Variants in TRPM3 observed in about 807,000 individuals in gnomAD.
TRPM3 encodes the protein long transient receptor potential channel 3.
Under a neutral mutation model 181.2 loss-of-function variants are expected in TRPM3, and 77 were observed. That is an observed-to-expected ratio of 0.42 (90% CI 0.35 to 0.51). The LOEUF (loss-of-function observed/expected upper bound fraction) is 0.51, where lower values mean the gene tolerates loss of function less well. TRPM3 is among the 20% of genes least tolerant of loss of function. The pLI is 0.01. For missense variants in TRPM3, 1,759 were observed against 2,196.7 expected, an observed-to-expected ratio of 0.80 and a Z score of 3.98; for synonymous variants, 745 against 796.4, an observed-to-expected ratio of 0.94 and a Z score of 1.09.
rs1293360883 is a variant in TRPM3, at chr9:70,974,601, T to C, written c.178-110090A>G. Reference sequence around the variant, plus strand: ...AAAATTAGCTGGGCGTGGTGGCACATGCCTGTAGTCCTAGCTACTCAGGAG... The same window carrying C: ...AAAATTAGCTGGGCGTGGTGGCACACGCCTGTAGTCCTAGCTACTCAGGAG... On this transcript the variant is annotated intron_variant, in intron 1 of 25. Coordinates refer to ENST00000677713, the MANE Select transcript of TRPM3 (RefSeq NM_001366145.2). Among the ~76,000 whole-genome samples, 3 of 151,442 alleles carry C rather than the reference T, an allele frequency of 2.0e-5. No homozygotes were observed. The East Asian group carries it at 5.9e-4, about 30-fold the overall frequency.
At chr9:70,937,217 G>T (rs1013783464) in intron 1 of TRPM3, among the ~76,000 whole-genome samples, 1 of 152,156 alleles carries the variant, frequency 6.6e-6, no homozygotes, top group African/African-American at 2.4e-5. Flanking sequence ...AAGAGAGGCA[G>T]GTAGCATAGA....
At chr9:70,950,473 G>T (rs2096986318) in intron 1 of TRPM3, among the ~76,000 whole-genome samples, 1 of 152,202 alleles carries the variant, frequency 6.6e-6, no homozygotes, top group Admixed American at 6.5e-5. Flanking sequence ...GAAGGAAAAA[G>T]TAAGGTAATT....
intron 1 of TRPM3, among the ~76,000 whole-genome samples, chr9:70,896,326 C>T (rs1483754046): frequency 6.6e-6 from 1 of 152,134 alleles, no homozygotes; most frequent in East Asian, 1.9e-4. Context: ...CCTTGTAGAC[C>T]AGTATAAAGT....
intron 24 of TRPM3, among the ~76,000 whole-genome samples, chr9:70,551,623 T>C (rs2046474188): frequency 6.6e-6 from 1 of 152,168 alleles, no homozygotes; most frequent in African/African-American, 2.4e-5. Flanking sequence ...ATAAGTGAGG[T>C]TCCTCTTCTA....
intron 1 of TRPM3, among the ~76,000 whole-genome samples, chr9:71,050,979 A>G (rs1287078564): frequency 6.6e-6 from 1 of 151,946 alleles, no homozygotes; most frequent in African/African-American, 2.4e-5. Flanking sequence ...ACAAGAAATA[A>G]CTCTCCTTCA....
intron 1 of TRPM3, among the ~76,000 whole-genome samples, chr9:70,956,934 T>A (rs563024098): frequency 1.3e-3 from 196 of 150,368 alleles, no homozygotes; most frequent in African/African-American, 4.5e-3. Flanking sequence ...TAAAAAAAAT[T>A]TTAATTTTAG....
At chr9:71,299,206 A>G (rs1409611420) in intron 1 of TRPM3, among the ~76,000 whole-genome samples, 2 of 152,156 alleles carry the variant, frequency 1.3e-5, no homozygotes, top group African/African-American at 4.8e-5. Context: ...AAGTAAACCA[A>G]AGAACATTAG....
At chr9:71,345,598 G>A (rs1348927779) in intron 1 of TRPM3, among the ~76,000 whole-genome samples, 1 of 151,852 alleles carries the variant, frequency 6.6e-6, no homozygotes, top group African/African-American at 2.4e-5. Context: ...GGGGGGTGGG[G>A]GGCAAGGGGA....
intron 1 of TRPM3, among the ~76,000 whole-genome samples, chr9:71,114,477 G>A (rs72731783): frequency 0.15 from 22,319 of 152,032 alleles, 1,894 homozygotes; most frequent in African/African-American, 0.24. Flanking sequence ...TTAATATTAA[G>A]CAGCATTTAA....
At chr9:70,671,551 A>G (rs1424148754) in intron 9 of TRPM3, among the ~76,000 whole-genome samples, 3 of 146,422 alleles carry the variant, frequency 2.0e-5, no homozygotes, top group Admixed American at 6.8e-5. Flanking sequence ...TAAACATTAT[A>G]TGGTAAGTAA....
At chr9:70,643,654 T>A (rs1319124964) in intron 9 of TRPM3, among the ~76,000 whole-genome samples, 1 of 152,202 alleles carries the variant, frequency 6.6e-6, no homozygotes, top group Non-Finnish European at 1.5e-5. Context: ...CTGGGAGATG[T>A]GTCAATCCTG....
chr9:70,900,206 TAA>T (rs2096363676), intron 1 of TRPM3, among the ~76,000 whole-genome samples: 1 of 152,072 alleles, frequency 6.6e-6, no homozygotes, highest in African/African-American at 2.4e-5. Flanking sequence ...GCTCATGGTT[TAA>T]AAAGACTTAT....
At chr9:71,242,394 G>A (rs1385585383) in intron 1 of TRPM3, among the ~76,000 whole-genome samples, 2 of 152,096 alleles carry the variant, frequency 1.3e-5, no homozygotes, top group Non-Finnish European at 2.9e-5. Flanking sequence ...GAAAAGTCTC[G>A]GTCATGACCG....
At chr9:70,575,511 CT>C (rs933273378) in intron 22 of TRPM3, among the ~76,000 whole-genome samples, 20 of 151,994 alleles carry the variant, frequency 1.3e-4, no homozygotes, top group African/African-American at 4.3e-4. Context: ...TATTTATTAA[CT>C]TTTTTTTTCC....
intron 1 of TRPM3, among the ~76,000 whole-genome samples, chr9:70,896,413 T>C (rs992197884): frequency 1.3e-5 from 2 of 152,200 alleles, no homozygotes; most frequent in Non-Finnish European, 2.9e-5. Context: ...TATTGGGATC[T>C]GGATGAATTT....
chr9:70,824,801 A>G (rs2093443667), intron 6 of TRPM3: 1 of 152,202 alleles, frequency 6.6e-6, no homozygotes, highest in South Asian at 2.1e-4. Flanking sequence ...TAAATTGCTG[A>G]CTGAGGATTG....
intron 25 of TRPM3, among the ~76,000 whole-genome samples, chr9:70,546,974 G>A (rs2045126506): frequency 6.6e-6 from 1 of 152,136 alleles, no homozygotes; most frequent in Admixed American, 6.5e-5. Context: ...ATTGAATAAT[G>A]ATCCATTTAA....
At chr9:71,246,737 C>G (rs1281881497) in intron 1 of TRPM3, among the ~76,000 whole-genome samples, 1 of 152,198 alleles carries the variant, frequency 6.6e-6, no homozygotes, top group Non-Finnish European at 1.5e-5. Context: ...TGTAAATTCA[C>G]ACAGTTCTAA....
Position 70,868,605 on chromosome 9 carries a change from A to C in TRPM3, c.178-4094T>G, listed in dbSNP as rs1319862316. ...GGCAGGAAGATTTACAAGCACATAC[A>C]CACACACAGGGTATATTAAACCCAT... On this transcript the variant is annotated intron_variant, in intron 1 of 25. Coordinates refer to ENST00000677713, the MANE Select transcript of TRPM3 (RefSeq NM_001366145.2). 2.6e-5 allele frequency among the ~76,000 whole-genome samples: 4 copies of C among 152,076 alleles called. No individual in the cohort carries two copies. In the East Asian group the frequency reaches 7.8e-4, roughly 30 times the overall value.
Sources: gnomAD v4.1 joint callset for allele counts (sites outside exome capture counted in the v4.1 genomes callset) on GRCh38, gnomAD v4.1.1 for gene constraint, MANE v1.5 for transcripts, NCBI Gene and HGNC (gene_info 2026-07-23, HGNC 2026-07-21) for gene names.